ELMO1: variants seen among roughly 807,000 people sequenced by gnomAD.
ELMO1 encodes the protein engulfment and cell motility protein 1.
In ELMO1, 26 loss-of-function variants were observed where a neutral mutation model predicts 98.9. The observed-to-expected ratio is 0.26, with a 90% CI of 0.19 to 0.36. The LOEUF is 0.36. ELMO1 is among the 10% of genes least tolerant of loss of function. The pLI, the probability that ELMO1 is intolerant of heterozygous loss-of-function variation, is 1.00. For synonymous variants in ELMO1, 346 were observed against 346.0 expected (o/e 1.00, Z 0.00); for missense variants, 627 against 935.2 (o/e 0.67, Z 4.30).
intron 17 of ELMO1, among the ~76,000 whole-genome samples, chr7:36,888,452 C>T (rs1805238010): frequency 6.6e-6 from 1 of 152,004 alleles, no homozygotes; most frequent in Non-Finnish European, 1.5e-5. Context: ...GACAGGGAGA[C>T]CCAGAGCCCA....
intron 13 of ELMO1, among the ~76,000 whole-genome samples, chr7:37,159,893 T>TG (rs1394157509): frequency 6.6e-6 from 1 of 152,106 alleles, no homozygotes; most frequent in African/African-American, 2.4e-5. Context: ...AAAATCTGAG[T>TG]GGTAGGCACA....
Position 37,188,964 on chromosome 7 carries a change from T to C in ELMO1, c.1086+22422A>G, listed in dbSNP as rs182060996. Among the ~76,000 whole-genome samples, 67 of 152,306 alleles carry C rather than the reference T, an allele frequency of 4.4e-4. No individual in the cohort carries two copies. In the East Asian group the frequency reaches 0.012, roughly 28 times the overall value. On this transcript the variant is annotated intron_variant, in intron 13 of 21. Transcript: ENST00000310758. ...AACTTTTTGACAATAACTGTTTTAGTCCTCCTGCTGAATTATATTTATGTT... is the reference window on the plus strand; with the variant it reads ...AACTTTTTGACAATAACTGTTTTAGCCCTCCTGCTGAATTATATTTATGTT...
At chr7:36,895,850 G>GT (rs1173215416) in intron 16 of ELMO1, among the ~76,000 whole-genome samples, 4 of 152,184 alleles carry the variant, frequency 2.6e-5, no homozygotes, top group African/African-American at 9.6e-5. Flanking sequence ...CCATTTATAG[G>GT]TATCTATGTG....
Position 37,233,161 on chromosome 7 carries a change from G to A in ELMO1, c.483C>T (p.Ala161=). 1.2e-6 allele frequency: 2 copies of A among 1,613,528 alleles called. No homozygotes were observed. The highest frequency in any genetic ancestry group is 1.1e-5 in the South Asian group (1 of 91,028). The change falls in exon 8 of 22, where the codon GCC becomes GCT. Residue 161 remains alanine, a synonymous_variant. Coordinates refer to ENST00000310758, the MANE Select transcript of ELMO1 (RefSeq NM_014800.11). ...TGCCATGGTCCATCAGCTCAACGAA[G>A]GCCGTCAGGGTGAAGGACAGCATGT... ...FGDMLSFTLT[A]FVELMDHGIV... is the part of the protein sequence containing the mutation.
chr7:36,922,347 C>CAAAAAAAAAAAA (rs750588423), intron 16 of ELMO1, among the ~76,000 whole-genome samples: 1 of 85,564 alleles, frequency 1.2e-5, no homozygotes, highest in Non-Finnish European at 2.5e-5. Flanking sequence ...CACAGACTTG[C>CAAAAAAAAAAAA]AAAAAAAAAA....
At chr7:36,888,970 G>A (rs1805291972) in intron 17 of ELMO1, among the ~76,000 whole-genome samples, 1 of 152,190 alleles carries the variant, frequency 6.6e-6, no homozygotes, top group African/African-American at 2.4e-5. Context: ...TTTGGGGAAA[G>A]TATTAATGTC....
chr7:37,225,112 G>A (rs763073258), intron 8 of ELMO1, 82 bp from the exon 9 acceptor site: 32 of 1,544,766 alleles, frequency 2.1e-5, no homozygotes, highest in South Asian at 1.1e-4. Context: ...GAATCAAATC[G>A]GGAACTCATT....
chr7:36,888,948 A>T (rs2129051834), intron 17 of ELMO1, among the ~76,000 whole-genome samples: 1 of 152,274 alleles, frequency 6.6e-6, no homozygotes. Context: ...TTCCTTCCTG[A>T]AAATAACAGC....
chr7:37,288,455 C>A (rs929515928), intron 4 of ELMO1, among the ~76,000 whole-genome samples: 1 of 152,194 alleles, frequency 6.6e-6, no homozygotes, highest in Non-Finnish European at 1.5e-5. Flanking sequence ...GAACTCTCCA[C>A]CTCAGGTGAT....
intron 4 of ELMO1, among the ~76,000 whole-genome samples, chr7:37,306,116 A>T (rs913007197): frequency 6.6e-6 from 1 of 152,202 alleles, no homozygotes; most frequent in Non-Finnish European, 1.5e-5. Context: ...CAGTCATTTA[A>T]ATGATATTGC....
At chr7:37,116,916 C>T (rs1051467514) in intron 14 of ELMO1, 6 of 210,020 alleles carry the variant, frequency 2.9e-5, no homozygotes, top group South Asian at 9.2e-5. Context: ...CAAGAAGCTC[C>T]GCAACAAGAG....
chr7:37,150,592 T>C (rs879921597), intron 13 of ELMO1, among the ~76,000 whole-genome samples: 1 of 152,208 alleles, frequency 6.6e-6, no homozygotes, highest in Non-Finnish European at 1.5e-5. Flanking sequence ...ATCTCTATAG[T>C]AGTATATAGT....
chr7:37,202,330 C>T (rs189491047), intron 13 of ELMO1, among the ~76,000 whole-genome samples: 3 of 152,198 alleles, frequency 2.0e-5, no homozygotes, highest in East Asian at 3.9e-4. Flanking sequence ...GAGAATACCA[C>T]AAAAATTAAG....
At chr7:37,082,243 A>C (rs1797902180) in intron 15 of ELMO1, among the ~76,000 whole-genome samples, 1 of 152,160 alleles carries the variant, frequency 6.6e-6, no homozygotes, top group Admixed American at 6.5e-5. Flanking sequence ...GGATGCTTGC[A>C]TGGGAAAATA....
intron 16 of ELMO1, among the ~76,000 whole-genome samples, chr7:36,912,770 A>T (rs1784425125): frequency 2.0e-5 from 3 of 152,206 alleles, no homozygotes; most frequent in Non-Finnish European, 4.4e-5. Flanking sequence ...TCTGAGCCTT[A>T]ATTTCCTTCT....
At chr7:36,916,352 C>T (rs59255437) in intron 16 of ELMO1, among the ~76,000 whole-genome samples, 3,416 of 152,320 alleles carry the variant, frequency 0.022, 81 homozygotes, top group East Asian at 0.067. Context: ...GCCTTTCAGT[C>T]ACCTGCTGGG....
Position 36,855,424 on chromosome 7 carries a change from A to G in ELMO1, c.*127T>C. The G allele has an allele frequency of 8.2e-7, 1 of 1,219,116 alleles. No homozygotes were observed. Among genetic ancestry groups the G allele is most frequent in the Non-Finnish European group, 1.2e-6 (1 of 847,504 alleles). The allele number at this position is 1,219,116 out of a possible 1,614,324, so 75.5% of individuals were successfully genotyped here. On this transcript the variant is annotated 3_prime_UTR_variant, in exon 22 of 22. Coordinates refer to ENST00000310758, the MANE Select transcript of ELMO1 (RefSeq NM_014800.11). This position sits in a 1 kb window ranked among gnomAD's most constrained non-coding sequence, Gnocchi z 4.2. Reference sequence around the variant, plus strand: ...GTTGCCAGGGCTAGAGGTGATGCTGAAGGGAATGTGGACCCACAGCTTCCC... The same window carrying G: ...GTTGCCAGGGCTAGAGGTGATGCTGGAGGGAATGTGGACCCACAGCTTCCC...
chr7:37,124,385 C>T (rs1323001639), intron 14 of ELMO1, among the ~76,000 whole-genome samples: 2 of 152,022 alleles, frequency 1.3e-5, no homozygotes, highest in Non-Finnish European at 2.9e-5. Context: ...TCTAGAAAAC[C>T]CCATCATCTC....
At chr7:37,096,351 T>C (rs1784364010) in intron 15 of ELMO1, among the ~76,000 whole-genome samples, 2 of 152,218 alleles carry the variant, frequency 1.3e-5, no homozygotes, top group South Asian at 2.1e-4. Flanking sequence ...CCTGTTTTAA[T>C]ATGTACTCAT....
Sources: allele counts gnomAD v4.1 joint callset (sites outside exome capture counted in the v4.1 genomes callset), GRCh38; gene constraint gnomAD v4.1.1; non-coding constraint Gnocchi (gnomAD v3.1); transcripts MANE v1.5; gene names NCBI Gene and HGNC (gene_info 2026-07-23, HGNC 2026-07-21).